TMTC2: variants seen among roughly 807,000 people sequenced by gnomAD.
The protein encoded by TMTC2 is transmembrane O-mannosyltransferase targeting cadherins 2, also known as protein O-mannosyl-transferase TMTC2.
A neutral mutation model predicts 82.4 loss-of-function variants in TMTC2; 43 were observed. The ratio of observed to expected loss-of-function variants is 0.52; its 90% CI spans 0.41 to 0.67. The LOEUF is 0.67. TMTC2 is among the 30% of genes least tolerant of loss of function. The pLI, the probability that TMTC2 is intolerant of heterozygous loss-of-function variation, is 0.00. For synonymous variants in TMTC2, 408 were observed against 381.9 expected (o/e 1.07, Z -0.80); for missense variants, 919 against 1,012.4 (o/e 0.91, Z 1.25).
In TMTC2 at chr12:82,735,186, T is replaced by C. The variant is rs545269911; in HGVS notation, c.83+47517T>C. Among the ~76,000 whole-genome samples the C allele has an allele frequency of 5.3e-5, 8 of 152,198 alleles. No homozygotes were observed. The East Asian group carries it at 1.5e-3, about 29-fold the overall frequency. On this transcript the variant is annotated intron_variant, in intron 1 of 11. Transcript: ENST00000321196. ...TCAAATCAATCATATGCTAAAATAA[T>C]ATAAAGTTAATTTAGAAATCTATAT... is the stretch of plus-strand genomic sequence containing the variant.
chr12:82,777,017 G>T (rs922879297), intron 1 of TMTC2, among the ~76,000 whole-genome samples: 1 of 152,078 alleles, frequency 6.6e-6, no homozygotes. Context: ...GATCTACATG[G>T]TGCCCTGTTT....
At chr12:82,905,484 G>A (rs1417079019) in intron 3 of TMTC2, among the ~76,000 whole-genome samples, 5 of 152,152 alleles carry the variant, frequency 3.3e-5, no homozygotes, top group Non-Finnish European at 7.3e-5. Flanking sequence ...AAACTTAAGT[G>A]CTAAAGGTTG....
intron 11 of TMTC2, among the ~76,000 whole-genome samples, chr12:83,067,324 A>G (rs932763121): frequency 1.3e-5 from 2 of 152,048 alleles, no homozygotes; most frequent in Admixed American, 6.6e-5. Flanking sequence ...TTGGAAATAA[A>G]TATTTGAATT....
chr12:82,725,973 C>T (rs911021003), intron 1 of TMTC2, among the ~76,000 whole-genome samples: 7 of 152,048 alleles, frequency 4.6e-5, no homozygotes, highest in Admixed American at 3.9e-4. Flanking sequence ...TTAATCTCTT[C>T]AAGATTGGGA....
intron 1 of TMTC2, among the ~76,000 whole-genome samples, chr12:82,849,723 A>G (rs1870873399): frequency 6.6e-6 from 1 of 152,152 alleles, no homozygotes; most frequent in South Asian, 2.1e-4. Flanking sequence ...TGCAGATGTC[A>G]GAATAGCAAC....
At chr12:82,996,026 A>C (rs1879602113) in intron 8 of TMTC2, among the ~76,000 whole-genome samples, 1 of 152,266 alleles carries the variant, frequency 6.6e-6, no homozygotes. Context: ...TTCAAAATGC[A>C]TAAAAACATT....
intron 1 of TMTC2, among the ~76,000 whole-genome samples, chr12:82,701,584 TTTA>T (rs1873083750): frequency 7.3e-6 from 1 of 136,828 alleles, no homozygotes; most frequent in Non-Finnish European, 1.6e-5. Flanking sequence ...AAACCCCGTC[TTTA>T]CTAAAAAAAA....
intron 1 of TMTC2, among the ~76,000 whole-genome samples, chr12:82,745,364 A>G (rs1592895242): frequency 1.3e-5 from 2 of 152,204 alleles, no homozygotes; most frequent in East Asian, 3.9e-4. Flanking sequence ...GTTACAAGAT[A>G]AAGTTAAATT....
chr12:83,100,054 G>A (rs1884163815), intron 11 of TMTC2, among the ~76,000 whole-genome samples: 1 of 151,900 alleles, frequency 6.6e-6, no homozygotes, highest in African/African-American at 2.4e-5. Flanking sequence ...CGAGTAGCTG[G>A]GATTCCCGGC....
chr12:82,841,648 G>A (rs372359724), intron 1 of TMTC2, among the ~76,000 whole-genome samples: 11 of 152,240 alleles, frequency 7.2e-5, no homozygotes, highest in African/African-American at 1.4e-4. Flanking sequence ...CCCATGTTTC[G>A]CATGTGTGTT....
At chr12:83,019,968 C>T (rs142969687) in intron 8 of TMTC2, among the ~76,000 whole-genome samples, 2 of 152,294 alleles carry the variant, frequency 1.3e-5, no homozygotes, top group African/African-American at 4.8e-5. Context: ...CTGGGCTTCA[C>T]ACAGTGTTTT....
intron 7 of TMTC2, among the ~76,000 whole-genome samples, chr12:82,980,322 A>G (rs917430871): frequency 1.3e-5 from 2 of 151,896 alleles, no homozygotes; most frequent in Non-Finnish European, 2.9e-5. Flanking sequence ...TGACCAGCAC[A>G]TAAAATAAAT....
At chr12:82,890,840 AATG>A (rs1307355081) in intron 2 of TMTC2, among the ~76,000 whole-genome samples, 1 of 152,168 alleles carries the variant, frequency 6.6e-6, no homozygotes, top group Non-Finnish European at 1.5e-5. Context: ...CTGCAACCTT[AATG>A]ATAAGTTGAA....
At chr12:82,768,442 C>A (rs1281036540) in intron 1 of TMTC2, among the ~76,000 whole-genome samples, 1 of 152,194 alleles carries the variant, frequency 6.6e-6, no homozygotes, top group Non-Finnish European at 1.5e-5. Flanking sequence ...TCTAGCACAG[C>A]TGCTCTGAGT....
chr12:83,080,029 C>T (rs116082830), intron 11 of TMTC2, among the ~76,000 whole-genome samples: 2,115 of 152,150 alleles, frequency 0.014, 50 homozygotes, highest in African/African-American at 0.048. Context: ...GAAACATGTG[C>T]GTGTGCTTAG....
intron 4 of TMTC2, among the ~76,000 whole-genome samples, 174 bp downstream of exon 4, chr12:82,930,719 G>A (rs868279810): frequency 1.2e-4 from 18 of 151,976 alleles, no homozygotes; most frequent in African/African-American, 3.9e-4. Flanking sequence ...TCTTTGTTTC[G>A]GGCCACATCA....
intron 1 of TMTC2, among the ~76,000 whole-genome samples, chr12:82,708,956 GA>G (rs2136909834): frequency 6.6e-6 from 1 of 152,234 alleles, no homozygotes; most frequent in Admixed American, 6.5e-5. Flanking sequence ...TTGAGGTTTT[GA>G]CACTTGCAAA....
intron 1 of TMTC2, among the ~76,000 whole-genome samples, chr12:82,812,824 C>T (rs1483578386): frequency 6.6e-6 from 1 of 151,910 alleles, no homozygotes; most frequent in Non-Finnish European, 1.5e-5. Context: ...AGAAATATTA[C>T]TGATCTTAAA....
At chr12:83,039,152 C>T (rs906676066) in intron 9 of TMTC2, among the ~76,000 whole-genome samples, 3 of 151,962 alleles carry the variant, frequency 2.0e-5, no homozygotes, top group South Asian at 2.1e-4. Flanking sequence ...AGGCTGTTCT[C>T]GAACTCCTGA....
Sources: allele counts gnomAD v4.1 joint callset (sites outside exome capture counted in the v4.1 genomes callset), GRCh38; gene constraint gnomAD v4.1.1; transcripts MANE v1.5; gene names NCBI Gene and HGNC (gene_info 2026-07-23, HGNC 2026-07-21).